The following PDCD1 variants were observed in gnomAD, a reference collection of about 807,000 sequenced individuals.
PDCD1 encodes programmed cell death protein 1.
A neutral mutation model predicts 23.6 loss-of-function variants in PDCD1; 10 were observed. The observed-to-expected ratio is 0.42, with a 90% CI of 0.26 to 0.72. The LOEUF is 0.72. Ranked by LOEUF, PDCD1 falls within the 30% of genes least tolerant of loss-of-function variation. PDCD1 has a pLI of 0.24. For missense variants in PDCD1, 313 were observed against 397.8 expected, an observed-to-expected ratio of 0.79 and a Z score of 1.81; for synonymous variants, 168 against 169.3, an observed-to-expected ratio of 0.99 and a Z score of 0.06.
Position 241,852,820 on chromosome 2 carries a change from C to T in PDCD1, c.237G>A (p.Leu79=), listed in dbSNP as rs1266801463. The change falls in exon 2 of 5, where the codon CTG becomes CTA. Residue 79 remains leucine, a synonymous_variant. Transcript: ENST00000334409. ...RMSPSNQTDK[L]AAFPEDRSQP... is the part of the protein sequence containing the mutation. The stretch of plus-strand genomic sequence containing the variant: ...GGCTGCGGTCCTCGGGGAAGGCGGC[C>T]AGCTTGTCCGTCTGGTTGCTGGGGC... 6.2e-7 allele frequency: 1 copy of T among 1,612,604 alleles called. No individual in the cohort carries two copies.
Position 241,852,694 on chromosome 2 carries a change from G to A in PDCD1, c.363C>T (p.Tyr121=). The change falls in exon 2 of 5, where the codon TAC becomes TAT. Residue 121 remains tyrosine, a synonymous_variant. Coordinates refer to ENST00000334409, the MANE Select transcript of PDCD1 (RefSeq NM_005018.3). ...VRARRNDSGT[Y]LCGAISLAPK... is the part of the protein sequence containing the mutation. ...GGGCCAGGGAGATGGCCCCACAGAGGTAGGTGCCGCTGTCATTGCGCCGGG... is the reference window on the plus strand; with the variant it reads ...GGGCCAGGGAGATGGCCCCACAGAGATAGGTGCCGCTGTCATTGCGCCGGG... The A allele has an allele frequency of 6.2e-7, 1 of 1,613,640 alleles. No homozygotes were observed. Among genetic ancestry groups the A allele is most frequent in the Non-Finnish European group, 8.5e-7 (1 of 1,179,924 alleles).
intron 1 of PDCD1, among the ~76,000 whole-genome samples, chr2:241,854,032 G>A (rs1700962757): frequency 6.6e-6 from 1 of 152,254 alleles, no homozygotes; most frequent in Non-Finnish European, 1.5e-5. Flanking sequence ...AACCAGCTCA[G>A]AGGAGGAGGG....
chr2:241,852,369 G>A lies in PDCD1; in HGVS notation c.437-16C>T, dbSNP rs753433275. ...GCCCTTCTCTCTGGAAGGGCACAAA[G>A]GTCAGGGGTTAGGACGGGGTCAGGG... On this transcript the variant is annotated splice_polypyrimidine_tract_variant and intron_variant, in intron 2 of 4. Coordinates refer to ENST00000334409, the MANE Select transcript of PDCD1 (RefSeq NM_005018.3). 27 of 1,531,858 alleles carry A rather than the reference G, an allele frequency of 1.8e-5. No homozygotes were observed. The highest frequency in any genetic ancestry group is 2.2e-5 in the Non-Finnish European group (25 of 1,112,900). The allele number at this position is 1,531,858 out of a possible 1,614,324, so 94.9% of individuals were successfully genotyped here. A position where few individuals can be genotyped will look rare whatever the true frequency, so the allele number is the denominator to read the frequency against.
chr2:241,857,222 G>A (rs1175040459), intron 1 of PDCD1, among the ~76,000 whole-genome samples: 2 of 152,208 alleles, frequency 1.3e-5, no homozygotes, highest in Non-Finnish European at 2.9e-5. Flanking sequence ...CGGCCGGGGT[G>A]GCCACATCTG....
chr2:241,854,836 C>A (rs1700987689), intron 1 of PDCD1, among the ~76,000 whole-genome samples: 1 of 152,180 alleles, frequency 6.6e-6, no homozygotes, highest in Non-Finnish European at 1.5e-5. Flanking sequence ...TGAGCAGGGA[C>A]CCTGCATGGC....
intron 4 of PDCD1, 78 bp from the exon 5 acceptor site, chr2:241,851,375 C>A (rs1358663201): frequency 1.0e-5 from 15 of 1,478,286 alleles, no homozygotes; most frequent in Non-Finnish European, 1.3e-5. Context: ...AGCCTGGCTG[C>A]AGTACCGGCA....
rs1220221804 is a variant in PDCD1 at position 241,850,191 on chromosome 2, C to T, written c.*867G>A. 8.6e-6 allele frequency: 2 copies of T among 232,992 alleles called. No homozygotes were observed. Among genetic ancestry groups the T allele is most frequent in the Non-Finnish European group, 8.5e-6 (1 of 118,012 alleles). The allele number at this position is 232,992 out of a possible 1,614,324, so 14.4% of individuals were successfully genotyped here. ...GCACATGGGGGGCCCTAGGTGCCTG[C>T]ACTTCTGCCCTCCCAACACCCAGGT... is the stretch of plus-strand genomic sequence containing the variant. On this transcript the variant is annotated 3_prime_UTR_variant, in exon 5 of 5. Transcript: ENST00000334409.
At chr2:241,858,082 C>T (rs74000565) in intron 1 of PDCD1, among the ~76,000 whole-genome samples, 9,123 of 152,226 alleles carry the variant, frequency 0.06, 1,058 homozygotes, top group East Asian at 0.49. Context: ...GCCTCCCCCA[C>T]GGATGGTCTG....
intron 1 of PDCD1, among the ~76,000 whole-genome samples, chr2:241,853,243 C>T (rs1024209085): frequency 6.0e-5 from 9 of 150,676 alleles, no homozygotes; most frequent in Non-Finnish European, 8.9e-5. Context: ...TAAGAGCCTT[C>T]ACCCCCTTCC....
Position 241,858,766 on chromosome 2 carries a change from A to C in PDCD1, c.73T>G (p.Leu25Val), listed in dbSNP as rs1192883440. Residue 25 changes from leucine to valine, a missense_variant, in exon 1 of 5, where the codon TTA becomes GTA. Around this residue, in one of 3 missense-constraint regions of PDCD1, gnomAD observed 135 missense variants for 166.9 expected, o/e 0.81. Transcript: ENST00000334409. ...LQLGWRPGWF[L>V]DSPDRPWNPP... ...CCTGACCGCCGACCCCACCTACCTA[A>C]GAACCATCCTGGCCGCCAGCCCAGT... is the stretch of plus-strand genomic sequence containing the variant. 1 of 1,590,120 alleles carries C rather than the reference A, an allele frequency of 6.3e-7. No individual in the cohort carries two copies.
chr2:241,852,105 TG>T, intron 3 of PDCD1, 92 bp downstream of exon 3: 2 of 274,628 alleles, frequency 7.3e-6, no homozygotes, highest in Non-Finnish European at 5.0e-6. Flanking sequence ...GGAGGTGGGG[TG>T]GGGTGAGGGA....
At chr2:241,858,341 G>A (rs935523672) in intron 1 of PDCD1, among the ~76,000 whole-genome samples, 15 of 152,218 alleles carry the variant, frequency 9.9e-5, no homozygotes, top group African/African-American at 3.6e-4. Flanking sequence ...AGGCAGAGCC[G>A]CCACGCAGAC....
rs200312345 is a variant in PDCD1 at position 241,852,209 on chromosome 2, C to T, written c.581G>A (p.Arg194Gln). The change falls in exon 3 of 5, where the codon CGG becomes CAG. Residue 194 changes from arginine to glutamine, a missense_variant. Physicochemically the swap from Arg to Gln is conservative, Grantham distance 43. This residue lies in a region of PDCD1 where 158 missense variants were observed against 177.5 expected (regional missense o/e 0.89). Coordinates refer to ENST00000334409, the MANE Select transcript of PDCD1 (RefSeq NM_005018.3). ...TGGGATGACGTTACCTCGTGCGGCC[C>T]GGGAGCAGATGACGGCCAGGACCCA... Reference protein sequence around the residue: ...LVWVLAVICSRAARGTIGARR... With the variant: ...LVWVLAVICSQAARGTIGARR... 1.9e-5 allele frequency: 30 copies of T among 1,609,408 alleles called. No homozygotes were observed. The highest frequency in any genetic ancestry group is 1.8e-4 in the East Asian group (8 of 44,716).
chr2:241,851,982 C>T lies in PDCD1; in HGVS notation c.594G>A (p.Gly198=). 6.2e-7 allele frequency: 1 copy of T among 1,613,366 alleles called. No homozygotes were observed. The highest frequency in any genetic ancestry group is 8.5e-7 in the Non-Finnish European group (1 of 1,179,780). Residue 198 remains glycine (G), a splice_region_variant and synonymous_variant, in exon 4 of 5, where the codon GGG becomes GGA. Transcript: ENST00000334409. ...LAVICSRAAR[G]TIGARRTGQP... ...GGCCGGTGCGCCTGGCTCCTATTGT[C>T]CCTGCAGAGAAACACACTTGGGGTC...
chr2:241,857,554 G>A (rs962712229), intron 1 of PDCD1, among the ~76,000 whole-genome samples: 1 of 152,158 alleles, frequency 6.6e-6, no homozygotes, highest in Non-Finnish European at 1.5e-5. Flanking sequence ...GTCTCCCTGG[G>A]ATGCCTTTTG....
At position 241,851,250 on chromosome 2, in the gene PDCD1, C is replaced by T. The variant is rs576382288; in HGVS notation, c.675G>A (p.Glu225=). ...AVPVFSVDYG[E]LDFQWREKTP... ...TCTTCTCTCGCCACTGGAAATCCAG[C>T]TCCCCATAGTCCACAGAGAACACAG... Residue 225 remains glutamate (E), a synonymous_variant, in exon 5 of 5, where the codon GAG becomes GAA. Transcript: ENST00000334409. 2 of 1,613,802 alleles carry T rather than the reference C, an allele frequency of 1.2e-6. No individual in the cohort carries two copies. Among genetic ancestry groups the T allele is most frequent in the African/African-American group, 2.7e-5 (2 of 75,044 alleles).
rs1382434393 is a variant in PDCD1 at position 241,851,050 on chromosome 2, G to A, written c.*8C>T. 6.2e-7 allele frequency: 1 copy of A among 1,606,062 alleles called. No homozygotes were observed. The highest frequency in any genetic ancestry group is 2.2e-5 in the East Asian group (1 of 44,742). ...GGTCTGCAGAACACTGGTGGCCAAG[G>A]AAGCCGGTCAGAGGGGCCAAGAGCA... On this transcript the variant is annotated 3_prime_UTR_variant, in exon 5 of 5. Coordinates refer to ENST00000334409, the MANE Select transcript of PDCD1 (RefSeq NM_005018.3).
In PDCD1 at chr2:241,853,125, C is replaced by G. The variant is rs190606418; in HGVS notation, c.77-145G>C. ...TGAGAAGTCTCTGCTGGGGCCTCTGCCACCCGGGGATGGGCACTGGCCTCC... is the reference window on the plus strand; with the variant it reads ...TGAGAAGTCTCTGCTGGGGCCTCTGGCACCCGGGGATGGGCACTGGCCTCC... On this transcript the variant is annotated intron_variant, in intron 1 of 4. Transcript: ENST00000334409. 9 of 964,992 alleles carry G rather than the reference C, an allele frequency of 9.3e-6. No individual in the cohort carries two copies. The East Asian group carries it at 2.4e-4, about 25-fold the overall frequency. The allele number at this position is 964,992 out of a possible 1,614,324, so 59.8% of individuals were successfully genotyped here.
chr2:241,853,040 C>G lies in PDCD1; in HGVS notation c.77-60G>C, dbSNP rs898854526. 2.6e-6 allele frequency: 4 copies of G among 1,511,042 alleles called. No individual in the cohort carries two copies. In the African/African-American group the frequency reaches 4.1e-5, roughly 16 times the overall value. 93.6% of individuals were successfully genotyped at this position (1,511,042 alleles called of 1,614,324 possible). On this transcript the variant is annotated intron_variant, in intron 1 of 4. Coordinates refer to ENST00000334409, the MANE Select transcript of PDCD1 (RefSeq NM_005018.3). ...TGGCCCCACAAAGCCTCCCCGGCCACCTGCTCACATCCCTCGGGCAGCAAG... is the reference window on the plus strand; with the variant it reads ...TGGCCCCACAAAGCCTCCCCGGCCAGCTGCTCACATCCCTCGGGCAGCAAG...
Sources: allele counts gnomAD v4.1 joint callset (sites outside exome capture counted in the v4.1 genomes callset), GRCh38; gene constraint gnomAD v4.1.1; regional missense constraint gnomAD v4.1.1; transcripts MANE v1.5; gene names NCBI Gene and HGNC (gene_info 2026-07-23, HGNC 2026-07-21).